HTRA3: variants seen among roughly 807,000 people sequenced by gnomAD.
The protein encoded by HTRA3 is serine protease HTRA3.
HTRA3 carries 41 observed loss-of-function variants against 43.2 expected under a neutral mutation model. The ratio of observed to expected loss-of-function variants is 0.95; its 90% CI spans 0.74 to 1.23. The LOEUF is 1.23. Among genes scored for constraint, HTRA3 ranks in the 50% most tolerant of loss-of-function variants. The probability of loss-of-function intolerance (pLI) is 0.00; values close to 1 mark genes in which losing one functional copy is unlikely to be tolerated. For synonymous variants in HTRA3, 295 were observed against 287.9 expected (o/e 1.02, Z -0.25); for missense variants, 628 against 647.1 (o/e 0.97, Z 0.32).
intron 2 of HTRA3, among the ~76,000 whole-genome samples, chr4:8,284,368 G>A (rs1712876857): frequency 6.6e-6 from 1 of 152,356 alleles, no homozygotes; most frequent in East Asian, 1.9e-4. Context: ...ACCAGGCTCT[G>A]AACCAACTAA....
intron 6 of HTRA3, 152 bp from the exon 7 acceptor site, chr4:8,302,311 T>C (rs4696797): frequency 0.68 from 476,045 of 699,634 alleles, 166,323 homozygotes; most frequent in African/African-American, 0.91. Context: ...GCAGCTTTGC[T>C]GGACCGCAGG....
intron 7 of HTRA3, 91 bp downstream of exon 7, chr4:8,302,602 C>A: frequency 7.5e-7 from 1 of 1,330,074 alleles, no homozygotes; most frequent in Non-Finnish European, 1.1e-6. Context: ...CTGTGTTCGG[C>A]TCCTTGCAGG....
intron 4 of HTRA3, 114 bp downstream of exon 4, chr4:8,291,678 C>T: frequency 2.8e-6 from 2 of 707,040 alleles, no homozygotes; most frequent in Non-Finnish European, 4.7e-6. Flanking sequence ...TGGCACTCGA[C>T]ACATCCACTT....
intron 6 of HTRA3, among the ~76,000 whole-genome samples, chr4:8,298,651 G>A (rs1026359062): frequency 7.9e-5 from 12 of 152,146 alleles, no homozygotes; most frequent in Admixed American, 5.2e-4. Flanking sequence ...TTAGGACTGC[G>A]ATGCATTTTG....
chr4:8,282,629 C>T, intron 2 of HTRA3, 93 bp downstream of exon 2: 1 of 976,866 alleles, frequency 1.0e-6, no homozygotes, highest in Non-Finnish European at 1.6e-6. Context: ...ATTCTGCAGC[C>T]TGGGCCACAG....
At chr4:8,300,388 T>G (rs1346540805) in intron 6 of HTRA3, among the ~76,000 whole-genome samples, 1 of 152,242 alleles carries the variant, frequency 6.6e-6, no homozygotes, top group East Asian at 1.9e-4. Context: ...TAGGAAGATT[T>G]TTAACTCCAA....
rs146330257 is a variant in HTRA3 at position 8,274,546 on chromosome 4, C to T, written c.385+4193C>T. ...GGCCCATGTGATGTGTGAATCTCCT[C>T]TAACCCTCTGGGCCCTTCTTGCATC... On this transcript the variant is annotated intron_variant, in intron 1 of 8. Transcript: ENST00000307358. Among the ~76,000 whole-genome samples, 75 of 152,366 alleles carry T rather than the reference C, an allele frequency of 4.9e-4. No homozygotes were observed. In the East Asian group the frequency reaches 0.014, roughly 28 times the overall value.
intron 5 of HTRA3, 131 bp from the exon 6 acceptor site, chr4:8,293,956 G>T: frequency 1.6e-6 from 1 of 616,396 alleles, no homozygotes; most frequent in Non-Finnish European, 2.9e-6. Context: ...GCTTTTCAGG[G>T]GAGTTGGGGG....
At chr4:8,272,158 A>C (rs1197895491) in intron 1 of HTRA3, among the ~76,000 whole-genome samples, 1 of 152,182 alleles carries the variant, frequency 6.6e-6, no homozygotes, top group Non-Finnish European at 1.5e-5. Flanking sequence ...CAGGGCTGGC[A>C]GGGAGCTGGA....
intron 3 of HTRA3, among the ~76,000 whole-genome samples, chr4:8,288,668 G>T (rs1713095545): frequency 6.6e-6 from 1 of 151,154 alleles, no homozygotes; most frequent in Non-Finnish European, 1.5e-5. Context: ...CACCTCCCAG[G>T]TTCAAGTAAT....
In HTRA3 at chr4:8,296,523, AAGG is replaced by A. The variant is rs1713464230; in HGVS notation, c.1051+2325_1051+2327del. 4.9e-5 allele frequency: 48 copies of A among 985,244 alleles called. No individual in the cohort carries two copies. The highest frequency in any genetic ancestry group is 5.5e-5 in the Non-Finnish European group (46 of 829,762). 61.0% of individuals were successfully genotyped at this position (985,244 alleles called of 1,614,324 possible). On this transcript the variant is annotated intron_variant, in intron 6 of 8. Transcript: ENST00000307358. The surrounding 1 kb of genome is among the most constrained non-coding windows in gnomAD (Gnocchi z 5.3). ...AAATGAACCATCTTTTTATTAAATC[AAGG>A]AGATGTTAAGTGCATTTATTATTCT...
At chr4:8,299,641 G>A (rs1279255035) in intron 6 of HTRA3, among the ~76,000 whole-genome samples, 5 of 152,222 alleles carry the variant, frequency 3.3e-5, no homozygotes, top group Admixed American at 6.5e-5. Flanking sequence ...AGGTTGAAAA[G>A]TTCCCTTCTA....
chr4:8,293,458 C>A (rs573056531), intron 5 of HTRA3, among the ~76,000 whole-genome samples: 3 of 152,226 alleles, frequency 2.0e-5, no homozygotes, highest in East Asian at 3.9e-4. Flanking sequence ...CCAGAGGGAT[C>A]CCTGGTGAGC....
rs1713762131 is a variant in HTRA3, at chr4:8,304,389, G to C, written c.1196+110G>C. ...TTGAGCTTCCCAGCAAAGTGACCGG[G>C]AAGGGGCAGGTGGATTCTAGCGTGT... On this transcript the variant is annotated intron_variant, in intron 8 of 8. Coordinates refer to ENST00000307358, the MANE Select transcript of HTRA3 (RefSeq NM_053044.5). The C allele has an allele frequency of 1.0e-5, 8 of 794,014 alleles. No individual in the cohort carries two copies. In the South Asian group the frequency reaches 1.3e-4, roughly 13 times the overall value. 49.2% of individuals were successfully genotyped at this position (794,014 alleles called of 1,614,324 possible). A position where few individuals can be genotyped will look rare whatever the true frequency, so the allele number is the denominator to read the frequency against.
rs1578804728 is a variant in HTRA3 at position 8,295,810 on chromosome 4, C to G, written c.1051+1609C>G. On this transcript the variant is annotated intron_variant, in intron 6 of 8. Coordinates refer to ENST00000307358, the MANE Select transcript of HTRA3 (RefSeq NM_053044.5). The surrounding 1 kb of genome is among the most constrained non-coding windows in gnomAD (Gnocchi z 6.9). ...GCAGCCAAGGCTGGTGCCATGAGGGCTGGTCACATGAAGAGCTGCTGTTGA... is the reference window on the plus strand; with the variant it reads ...GCAGCCAAGGCTGGTGCCATGAGGGGTGGTCACATGAAGAGCTGCTGTTGA... 14 of 1,250,272 alleles carry G rather than the reference C, an allele frequency of 1.1e-5. No homozygotes were observed. The highest frequency in any genetic ancestry group is 1.4e-5 in the Non-Finnish European group (14 of 995,686). 77.4% of individuals were successfully genotyped at this position (1,250,272 alleles called of 1,614,324 possible). A position where few individuals can be genotyped will look rare whatever the true frequency, so the allele number is the denominator to read the frequency against.
chr4:8,286,704 A>C lies in HTRA3; in HGVS notation c.629A>C (p.Gln210Pro). 6.2e-7 allele frequency: 1 copy of C among 1,614,222 alleles called. No individual in the cohort carries two copies. The highest frequency in any genetic ancestry group is 8.5e-7 in the Non-Finnish European group (1 of 1,180,038). ...AGGCAGCAGCTCAAGGTGCAGCTAC[A>C]GAATGGGGACTCCTATGAGGCCACC... The part of the protein sequence containing the change: ...PGRQQLKVQL[Q>P]NGDSYEATIK... Residue 210 changes from glutamine (Q) to proline (P), a missense_variant, in exon 3 of 9, where the codon CAG becomes CCG. Coordinates refer to ENST00000307358, the MANE Select transcript of HTRA3 (RefSeq NM_053044.5). The surrounding 1 kb of genome is among the most constrained non-coding windows in gnomAD (Gnocchi z 4.9).
rs373541543 is a variant in HTRA3, at chr4:8,294,100, T to C, written c.950T>C (p.Ile317Thr). 6.2e-7 allele frequency: 1 copy of C among 1,610,552 alleles called. No individual in the cohort carries two copies. Among genetic ancestry groups the C allele is most frequent in the Non-Finnish European group, 8.5e-7 (1 of 1,178,286 alleles). The stretch of plus-strand genomic sequence containing the variant: ...CTCCCTGCCCAGGATGGCGAGGTCA[T>C]TGGCATCAACACGCTCAAGGTCACG... ...GPLVNLDGEV[I>T]GINTLKVTAG... is the part of the protein sequence containing the mutation. The change falls in exon 6 of 9, where the codon ATT becomes ACT. Residue 317 changes from isoleucine to threonine, a missense_variant. Physicochemically the swap from Ile to Thr is moderately conservative, Grantham distance 89. Transcript: ENST00000307358.
At chr4:8,293,688 C>T (rs771939420) in intron 5 of HTRA3, among the ~76,000 whole-genome samples, 2 of 152,092 alleles carry the variant, frequency 1.3e-5, no homozygotes, top group African/African-American at 2.4e-5. Context: ...GCCAGCCCCC[C>T]ACTTCTGGAA....
rs202091323 is a variant in HTRA3, at chr4:8,288,878, T to TTTCCTTCCTTCCTTCCTTCC, written c.708+2111_708+2112insTTCCTTCCTTCCTTCCTTCC. On this transcript the variant is annotated intron_variant, in intron 3 of 8. Transcript: ENST00000307358. Reference sequence around the variant, plus strand: ...GAGCCACTGCACCCCACCCCCAAATTTTCCTTCCTTCCTTCCGTCCGTCCT... The same window carrying TTTCCTTCCTTCCTTCCTTCC: ...GAGCCACTGCACCCCACCCCCAAATTTTCCTTCCTTCCTTCCTTCCTTCCTTCCTTCCTTCCGTCCGTCCT... Among the ~76,000 whole-genome samples, 451 of 118,106 alleles carry TTTCCTTCCTTCCTTCCTTCC rather than the reference T, an allele frequency of 3.8e-3. 57 individuals carry two copies. The highest frequency in any genetic ancestry group is 0.012 in the East Asian group (40 of 3,240). 77.5% of individuals were successfully genotyped at this position (118,106 alleles called of 152,430 possible).
Sources: allele counts gnomAD v4.1 joint callset (sites outside exome capture counted in the v4.1 genomes callset), GRCh38; gene constraint gnomAD v4.1.1; non-coding constraint Gnocchi (gnomAD v3.1); transcripts MANE v1.5; gene names NCBI Gene and HGNC (gene_info 2026-07-23, HGNC 2026-07-21).